Variants in SLC35E1 observed in about 807,000 individuals in gnomAD.
SLC35E1 encodes the protein solute carrier family 35 member E1.
In SLC35E1, 12 loss-of-function variants were observed where a neutral mutation model predicts 31.0. The ratio of observed to expected loss-of-function variants is 0.39; its 90% CI spans 0.25 to 0.63. The LOEUF (loss-of-function observed/expected upper bound fraction) is 0.63. Ranked by LOEUF, SLC35E1 falls within the 20% of genes least tolerant of loss-of-function variation. The pLI, the probability that SLC35E1 is intolerant of heterozygous loss-of-function variation, is 0.52. For missense variants in SLC35E1, 429 were observed against 572.2 expected (o/e 0.75, Z 2.55); for synonymous variants, 257 against 264.1 (o/e 0.97, Z 0.26).
At chr19:16,554,024 G>T in intron 5 of SLC35E1, 115 bp from the exon 6 acceptor site, 1 of 875,564 alleles carries the variant, frequency 1.1e-6, no homozygotes. Flanking sequence ...CAGCACTTTG[G>T]GAGGTCGAGG....
chr19:16,572,236 G>A lies in SLC35E1; in HGVS notation c.129C>T (p.Gly43=). 3.3e-6 allele frequency: 5 copies of A among 1,523,876 alleles called. No individual in the cohort carries two copies. Among genetic ancestry groups the A allele is most frequent in the Admixed American group, 2.1e-5 (1 of 48,706 alleles). The allele number at this position is 1,523,876 out of a possible 1,614,324, so 94.4% of individuals were successfully genotyped here. The change falls in exon 1 of 6, where the codon GGC becomes GGT. Residue 43 remains glycine, a synonymous_variant. Transcript: ENST00000595753. This position sits in a 1 kb window ranked among gnomAD's most constrained non-coding sequence, Gnocchi z 4.1. ...LCLLWYALSA[G]GNVVNKVILS... is the part of the protein sequence containing the mutation. ...GGATCACCTTGTTGACCACGTTGCC[G>A]CCCGCGCTCAGCGCGTACCACAGCA...
At chr19:16,566,486 G>A (rs1228816322) in intron 4 of SLC35E1, 46 bp downstream of exon 4, 1 of 1,609,884 alleles carries the variant, frequency 6.2e-7, no homozygotes, top group Admixed American at 1.7e-5. Flanking sequence ...CACCTATTCT[G>A]GAACTAGCCA....
chr19:16,566,521 G>C lies in SLC35E1; in HGVS notation c.756+11C>G. ...AAGAAAATGGCGTGTTCTTGGTGCT[G>C]TACAACTCACCAAGTCGCTGCTGAC... On this transcript the variant is annotated intron_variant, in intron 4 of 5. Transcript: ENST00000595753. 6.2e-7 allele frequency: 1 copy of C among 1,612,568 alleles called. No individual in the cohort carries two copies. The highest frequency in any genetic ancestry group is 8.5e-7 in the Non-Finnish European group (1 of 1,179,968).
At chr19:16,562,859 C>T (rs1260650995) in intron 4 of SLC35E1, among the ~76,000 whole-genome samples, 2 of 152,152 alleles carry the variant, frequency 1.3e-5, no homozygotes, top group Non-Finnish European at 2.9e-5. Context: ...CAGGCATGTG[C>T]CACCATGCCG....
rs2085847703 is a variant in SLC35E1 at position 16,551,929 on chromosome 19, T to C, written c.*1750A>G. On this transcript the variant is annotated 3_prime_UTR_variant, in exon 6 of 6. Coordinates refer to ENST00000595753, the MANE Select transcript of SLC35E1 (RefSeq NM_024881.5). ...GCCACCATGCCTGGCTAATTTTTGT[T>C]TTAGTAGAGATGGGGTTTCACCATG... 1 of 151,682 alleles carries C rather than the reference T, an allele frequency of 6.6e-6. No homozygotes were observed. The highest frequency in any genetic ancestry group is 2.1e-4 in the South Asian group (1 of 4,806). The allele number at this position is 151,682 out of a possible 1,614,324, so 9.4% of individuals were successfully genotyped here.
In SLC35E1 at chr19:16,555,754, C is replaced by T. The variant is rs1310857507; in HGVS notation, c.757-357G>A. 4 of 292,522 alleles carry T rather than the reference C, an allele frequency of 1.4e-5. No individual in the cohort carries two copies. The highest frequency in any genetic ancestry group is 2.0e-5 in the Non-Finnish European group (3 of 152,432). 18.1% of individuals were successfully genotyped at this position (292,522 alleles called of 1,614,324 possible). A position where few individuals can be genotyped will look rare whatever the true frequency, so the allele number is the denominator to read the frequency against. ...AGGGATCTGCTTGTTGGACGCAATG[C>T]ATTCTACAGGGTTGGAGGTCCTGGG... On this transcript the variant is annotated intron_variant, in intron 4 of 5. Transcript: ENST00000595753. This position sits in a 1 kb window ranked among gnomAD's most constrained non-coding sequence, Gnocchi z 4.1.
At position 16,572,273 on chromosome 19, in the gene SLC35E1, G is replaced by A; in HGVS notation, c.92C>T (p.Ala31Val). The A allele has an allele frequency of 6.7e-7, 1 of 1,497,910 alleles. No individual in the cohort carries two copies. The highest frequency in any genetic ancestry group is 8.9e-7 in the Non-Finnish European group (1 of 1,122,402). The allele number at this position is 1,497,910 out of a possible 1,614,324, so 92.8% of individuals were successfully genotyped here. ...CGCGTACCACAGCAGGCACAGCGCC[G>A]CCACCCGCGCGCCCTCGCGCGCCCC... ...SGGAREGARV[A>V]ALCLLWYALS... Residue 31 changes from alanine (A) to valine (V), a missense_variant, in exon 1 of 6, where the codon GCG (alanine) becomes GTG (valine). Coordinates refer to ENST00000595753, the MANE Select transcript of SLC35E1 (RefSeq NM_024881.5). This position sits in a 1 kb window ranked among gnomAD's most constrained non-coding sequence, Gnocchi z 4.1.
chr19:16,554,754 G>C (rs1232416749), intron 5 of SLC35E1, among the ~76,000 whole-genome samples: 1 of 148,550 alleles, frequency 6.7e-6, no homozygotes, highest in Non-Finnish European at 1.5e-5. Context: ...GGAGGCGGAG[G>C]TTGCAGTAAG....
At chr19:16,571,176 A>G (rs1282367621) in intron 2 of SLC35E1, among the ~76,000 whole-genome samples, 1 of 152,090 alleles carries the variant, frequency 6.6e-6, no homozygotes, top group Admixed American at 6.6e-5. Flanking sequence ...AAGGCCACAC[A>G]TGGGGTGTAT....
At chr19:16,569,247 T>G (rs1189867349) in intron 2 of SLC35E1, among the ~76,000 whole-genome samples, 1 of 151,592 alleles carries the variant, frequency 6.6e-6, no homozygotes, top group Non-Finnish European at 1.5e-5. Context: ...ATGGTCTCGA[T>G]CTCTTGACCT....
intron 4 of SLC35E1, among the ~76,000 whole-genome samples, chr19:16,564,494 T>C (rs1191846829): frequency 1.3e-5 from 2 of 151,936 alleles, no homozygotes; most frequent in African/African-American, 4.8e-5. Context: ...TCTGTAGAGA[T>C]GGGGTTTCAC....
chr19:16,561,141 G>A (rs2085903557), intron 4 of SLC35E1, among the ~76,000 whole-genome samples: 3 of 144,488 alleles, frequency 2.1e-5, no homozygotes, highest in Admixed American at 7.0e-5. Flanking sequence ...TTGAACCCTG[G>A]AGGCAGAGGT....
Position 16,555,014 on chromosome 19 carries a change from G to A in SLC35E1, c.1002+138C>T, listed in dbSNP as rs1375682790. On this transcript the variant is annotated intron_variant, in intron 5 of 5. Coordinates refer to ENST00000595753, the MANE Select transcript of SLC35E1 (RefSeq NM_024881.5). The surrounding 1 kb of genome is among the most constrained non-coding windows in gnomAD (Gnocchi z 4.1). ...GGAAGCCAGAGTGGGATGGGGCTAC[G>A]CCAAGATCATAAACCAGTCAGTGGC... The A allele has an allele frequency of 1.9e-5, 25 of 1,290,538 alleles. No individual in the cohort carries two copies. Among genetic ancestry groups the A allele is most frequent in the Middle Eastern group, 2.4e-4 (1 of 4,164 alleles). The allele number at this position is 1,290,538 out of a possible 1,614,324, so 79.9% of individuals were successfully genotyped here.
chr19:16,559,488 A>ACACACACACACACACG (rs1296540778), intron 4 of SLC35E1, among the ~76,000 whole-genome samples: 1 of 151,442 alleles, frequency 6.6e-6, no homozygotes, highest in Non-Finnish European at 1.5e-5. Flanking sequence ...ACACACACAC[A>ACACACACACACACACG]CACACACACA....
Position 16,553,630 on chromosome 19 carries a change from T to C in SLC35E1, c.*49A>G, listed in dbSNP as rs769041569. 7.1e-7 allele frequency: 1 copy of C among 1,403,904 alleles called. No individual in the cohort carries two copies. Among genetic ancestry groups the C allele is most frequent in the Non-Finnish European group, 9.5e-7 (1 of 1,056,292 alleles). 87.0% of individuals were successfully genotyped at this position (1,403,904 alleles called of 1,614,324 possible). The stretch of plus-strand genomic sequence containing the variant: ...TTGTCAGAAGTTTCTGATACTGCTG[T>C]GGGGGCCGGGGAAGGAGTCACCAAC... On this transcript the variant is annotated 3_prime_UTR_variant, in exon 6 of 6. Transcript: ENST00000595753.
rs1174582410 is a variant in SLC35E1, at chr19:16,552,516, G to C, written c.*1163C>G. 2 of 152,052 alleles carry C rather than the reference G, an allele frequency of 1.3e-5. No homozygotes were observed. Among genetic ancestry groups the C allele is most frequent in the African/African-American group, 4.8e-5 (2 of 41,404 alleles). 9.4% of individuals were successfully genotyped at this position (152,052 alleles called of 1,614,324 possible). A position where few individuals can be genotyped will look rare whatever the true frequency, so the allele number is the denominator to read the frequency against. Reference sequence around the variant, plus strand: ...TGCCCGGCTAATTTCTGTATTTTTAGTAGAGATGGGGTTTCACTATGTTGG... The same window carrying C: ...TGCCCGGCTAATTTCTGTATTTTTACTAGAGATGGGGTTTCACTATGTTGG... On this transcript the variant is annotated 3_prime_UTR_variant, in exon 6 of 6. Transcript: ENST00000595753.
intron 4 of SLC35E1, among the ~76,000 whole-genome samples, chr19:16,560,894 A>AAAAAAAAACCAAAAGAAAAAAAC (rs1282867880): frequency 3.5e-5 from 5 of 143,604 alleles, no homozygotes; most frequent in African/African-American, 1.1e-4. Flanking sequence ...AAAAAAAAAA[A>AAAAAAAAACCAAAAGAAAAAAAC]AAAAAAGAGA....
chr19:16,560,660 G>C (rs896769766), intron 4 of SLC35E1, among the ~76,000 whole-genome samples: 1 of 151,564 alleles, frequency 6.6e-6, no homozygotes, highest in African/African-American at 2.4e-5. Flanking sequence ...TCAGGAGTTC[G>C]AGACCAGCCT....
chr19:16,571,468 C>G (rs748163515), intron 2 of SLC35E1, 44 bp downstream of exon 2: 13 of 1,601,274 alleles, frequency 8.1e-6, no homozygotes, highest in South Asian at 4.4e-5. Context: ...CAGGGAGGAA[C>G]CCCCTGGAGC....
Sources: gnomAD v4.1 joint callset for allele counts (sites outside exome capture counted in the v4.1 genomes callset) on GRCh38, gnomAD v4.1.1 for gene constraint, Gnocchi (gnomAD v3.1) non-coding constraint, MANE v1.5 for transcripts, NCBI Gene and HGNC (gene_info 2026-07-23, HGNC 2026-07-21) for gene names.